Variants in RCC1L observed in about 807,000 individuals in gnomAD.
RCC1L encodes the protein RCC1-like G exchanging factor-like protein.
In RCC1L, 46 loss-of-function variants were observed where a neutral mutation model predicts 58.6. The ratio of observed to expected loss-of-function variants is 0.79; its 90% CI spans 0.62 to 1.00. The LOEUF (loss-of-function observed/expected upper bound fraction) is 1.00. Among genes scored for constraint, RCC1L ranks in the 50% least tolerant of loss-of-function variants. The probability of loss-of-function intolerance (pLI) is 0.00; values close to 1 mark genes in which losing one functional copy is unlikely to be tolerated. For synonymous variants in RCC1L, 281 were observed against 262.9 expected (o/e 1.07, Z -0.67); for missense variants, 636 against 623.6 (o/e 1.02, Z -0.21).
rs1806067215 is a variant in RCC1L, at chr7:75,056,008, G to A, written c.1124C>T (p.Ala375Val). 1.2e-6 allele frequency: 2 copies of A among 1,613,928 alleles called. No individual in the cohort carries two copies. The highest frequency in any genetic ancestry group is 8.5e-7 in the Non-Finnish European group (1 of 1,179,854). ...AGTGGGTGGAATCATTTCAGGGACG[G>A]CACTTTCCACTAGGTTTGGACCTTT... ...LGKGPNLVESAVPEMIPPTLF... is the reference protein window; with the variant it reads ...LGKGPNLVESVVPEMIPPTLF... The change falls in exon 9 of 11, where the codon GCC (alanine) becomes GTC (valine). Residue 375 changes from alanine (A) to valine (V), a missense_variant. Ala to Val is a moderately conservative substitution (Grantham distance 64). Transcript: ENST00000610322.
In RCC1L at chr7:75,069,011, G is replaced by A. The variant is rs190580367; in HGVS notation, c.454+1629C>T. Among the ~76,000 whole-genome samples, 796 of 151,930 alleles carry A rather than the reference G, an allele frequency of 5.2e-3. 5 individuals are homozygous for A. The highest frequency in any genetic ancestry group is 7.7e-3 in the Non-Finnish European group (522 of 67,968). On this transcript the variant is annotated intron_variant, in intron 2 of 10. Coordinates refer to ENST00000610322, the MANE Select transcript of RCC1L (RefSeq NM_030798.5). ...AGCCTCCCGAATAGCTGGGATTACAGGCGCGCGCCTCCATGCCCAGCTAAT... is the reference window on the plus strand; with the variant it reads ...AGCCTCCCGAATAGCTGGGATTACAAGCGCGCGCCTCCATGCCCAGCTAAT...
chr7:75,030,657 C>T (rs1805277599), intron 10 of RCC1L, among the ~76,000 whole-genome samples: 1 of 152,164 alleles, frequency 6.6e-6, no homozygotes, highest in Non-Finnish European at 1.5e-5. Context: ...TGAGTGTCTT[C>T]ACAATATGGC....
Position 75,042,300 on chromosome 7 carries a change from T to C in RCC1L, c.*732A>G. 1.0e-6 allele frequency: 1 copy of C among 985,498 alleles called. No individual in the cohort carries two copies. The highest frequency in any genetic ancestry group is 1.2e-6 in the Non-Finnish European group (1 of 829,956). The allele number at this position is 985,498 out of a possible 1,614,324, so 61.0% of individuals were successfully genotyped here. Reference sequence around the variant, plus strand: ...AACATTGTTCACAATTTCTGGATCTTCCTCCTCCGCCTGGCACTGCAGCTG... The same window carrying C: ...AACATTGTTCACAATTTCTGGATCTCCCTCCTCCGCCTGGCACTGCAGCTG... On this transcript the variant is annotated 3_prime_UTR_variant, in exon 11 of 11. Coordinates refer to ENST00000610322, the MANE Select transcript of RCC1L (RefSeq NM_030798.5).
Position 75,042,249 on chromosome 7 carries a change from G to A in RCC1L, c.*783C>T. ...GATTTGTAAAAGATGTTTTTAAAGG[G>A]AAAGGCAAGTCACGCTACTAAATCA... On this transcript the variant is annotated 3_prime_UTR_variant, in exon 11 of 11. Transcript: ENST00000610322. 1.0e-6 allele frequency: 1 copy of A among 985,470 alleles called. No homozygotes were observed. Among genetic ancestry groups the A allele is most frequent in the African/African-American group, 1.7e-5 (1 of 57,362 alleles). The allele number at this position is 985,470 out of a possible 1,614,324, so 61.0% of individuals were successfully genotyped here.
chr7:75,038,167 T>C (rs1805469321), downstream of RCC1L, among the ~76,000 whole-genome samples: 1 of 152,190 alleles, frequency 6.6e-6, no homozygotes, highest in Non-Finnish European at 1.5e-5. Context: ...TGGCCATCTC[T>C]GAAAGGGTCT....
rs1384886908 is a variant in RCC1L, at chr7:75,063,361, T to C, written c.651-18A>G. ...GACTTTCACTACAGCCAGGAACAAA[T>C]TGGGAAGAAGCAAGGGATGCGGTCA... On this transcript the variant is annotated intron_variant, in intron 4 of 10. Coordinates refer to ENST00000610322, the MANE Select transcript of RCC1L (RefSeq NM_030798.5). 9 of 1,613,534 alleles carry C rather than the reference T, an allele frequency of 5.6e-6. No individual in the cohort carries two copies. Among genetic ancestry groups the C allele is most frequent in the Admixed American group, 3.3e-5 (2 of 59,924 alleles).
intron 5 of RCC1L, among the ~76,000 whole-genome samples, chr7:75,062,233 A>G (rs1806298930): frequency 9.3e-6 from 1 of 107,060 alleles, no homozygotes; most frequent in Non-Finnish European, 1.9e-5. Flanking sequence ...TAATAGGTGA[A>G]GGAGGCCTGA....
At position 75,064,567 on chromosome 7, in the gene RCC1L, C is replaced by T. The variant is rs1554444830; in HGVS notation, c.650+15G>A. ...TAACTCAACATGGGGAAGGGTAGGCCTTTTAGGAACTCACCTGTAAATTTC... is the reference window on the plus strand; with the variant it reads ...TAACTCAACATGGGGAAGGGTAGGCTTTTTAGGAACTCACCTGTAAATTTC... On this transcript the variant is annotated intron_variant, in intron 4 of 10. Transcript: ENST00000610322. 6.2e-7 allele frequency: 1 copy of T among 1,613,744 alleles called. No individual in the cohort carries two copies. The highest frequency in any genetic ancestry group is 1.1e-5 in the South Asian group (1 of 91,066).
chr7:75,049,319 T>C (rs139077269), intron 10 of RCC1L, among the ~76,000 whole-genome samples: 1,808 of 151,790 alleles, frequency 0.012, 34 homozygotes, highest in African/African-American at 0.042. Flanking sequence ...CTGGGCAACA[T>C]AGGAAGACCT....
chr7:75,062,129 T>C (rs587655335), intron 5 of RCC1L, among the ~76,000 whole-genome samples: 2 of 151,870 alleles, frequency 1.3e-5, no homozygotes, highest in East Asian at 1.9e-4. Context: ...CAGAGGTTGC[T>C]CTGAGCTGAG....
intron 8 of RCC1L, chr7:75,056,711 CTGTGGCCATGTATCTACAG>C: frequency 6.5e-7 from 1 of 1,535,460 alleles, no homozygotes; most frequent in Non-Finnish European, 8.7e-7. Context: ...TGACTCAGCT[CTGTGGCCATGTATCTACAG>C]ATAAATCGCA....
Position 75,073,799 on chromosome 7 carries a change from T to G in RCC1L, c.-62A>C. 6.7e-7 allele frequency: 1 copy of G among 1,499,744 alleles called. No homozygotes were observed. Among genetic ancestry groups the G allele is most frequent in the Non-Finnish European group, 8.8e-7 (1 of 1,129,972 alleles). The allele number at this position is 1,499,744 out of a possible 1,614,324, so 92.9% of individuals were successfully genotyped here. On this transcript the variant is annotated 5_prime_UTR_variant, in exon 1 of 11. Transcript: ENST00000610322. ...CATCTTGCGTGACCCTTAACACCAG[T>G]CCTCGCCGGAAGAGGCTACGGCCAC...
chr7:75,057,449 T>G (rs1806116867), intron 8 of RCC1L, 80 bp downstream of exon 8: 12 of 1,471,598 alleles, frequency 8.2e-6, no homozygotes, highest in Admixed American at 3.4e-5. Flanking sequence ...GTCTACGGCC[T>G]GCAAATCCAA....
At chr7:75,049,668 C>CAA (rs1243232492) in intron 10 of RCC1L, among the ~76,000 whole-genome samples, 1 of 128,694 alleles carries the variant, frequency 7.8e-6, no homozygotes, top group Non-Finnish European at 1.7e-5. Context: ...ACCCTGTTTT[C>CAA]AAAAAAAAAA....
At chr7:75,061,476 CTT>C (rs1198309201) in intron 5 of RCC1L, among the ~76,000 whole-genome samples, 185 bp from the exon 6 acceptor site, 3 of 152,130 alleles carry the variant, frequency 2.0e-5, no homozygotes, top group South Asian at 2.1e-4. Context: ...TGAAACTGCT[CTT>C]GTTAAAGTAA....
At chr7:75,032,695 C>T (rs1377210108) in intron 10 of RCC1L, among the ~76,000 whole-genome samples, 1 of 152,106 alleles carries the variant, frequency 6.6e-6, no homozygotes, top group Non-Finnish European at 1.5e-5. Context: ...TTCCATCACC[C>T]TGAGCCCAAG....
chr7:75,068,565 A>G (rs910349798), intron 2 of RCC1L, among the ~76,000 whole-genome samples: 1 of 151,880 alleles, frequency 6.6e-6, no homozygotes, highest in African/African-American at 2.4e-5. Context: ...GGGCGCCTGT[A>G]GTACCAGCTA....
At chr7:75,057,405 C>A in intron 8 of RCC1L, 124 bp downstream of exon 8, 1 of 929,384 alleles carries the variant, frequency 1.1e-6, no homozygotes, top group Non-Finnish European at 1.7e-6. Flanking sequence ...ATGTGAGCCA[C>A]CGCGCCCAGC....
intron 1 of RCC1L, among the ~76,000 whole-genome samples, chr7:75,072,161 C>CATATACATATACATATAT (rs1455614533): frequency 2.2e-5 from 1 of 46,368 alleles, no homozygotes; most frequent in Non-Finnish European, 4.6e-5. Flanking sequence ...TATACATATA[C>CATATACATATACATATAT]ATATATATAT....
Sources: gnomAD v4.1 joint callset for allele counts (sites outside exome capture counted in the v4.1 genomes callset) on GRCh38, gnomAD v4.1.1 for gene constraint, MANE v1.5 for transcripts, NCBI Gene and HGNC (gene_info 2026-07-23, HGNC 2026-07-21) for gene names.